Variants in TMEM167A observed in about 807,000 individuals in gnomAD.
The protein encoded by TMEM167A is transmembrane protein 167A, also known as protein kish-A.
Under a neutral mutation model 11.6 loss-of-function variants are expected in TMEM167A, and 8 were observed. That is an observed-to-expected ratio of 0.69 (90% CI 0.40 to 1.24). The LOEUF is 1.24. Ranked by LOEUF, TMEM167A falls within the 50% of genes most tolerant of loss-of-function variation. The probability of loss-of-function intolerance (pLI) is 0.01; values close to 1 mark genes in which losing one functional copy is unlikely to be tolerated. For missense variants in TMEM167A, 62 were observed against 87.0 expected, an observed-to-expected ratio of 0.71 and a Z score of 1.14; for synonymous variants, 22 against 28.0, an observed-to-expected ratio of 0.79 and a Z score of 0.67.
chr5:83,068,686 G>T (rs111517625), intron 1 of TMEM167A, among the ~76,000 whole-genome samples: 387 of 152,240 alleles, frequency 2.5e-3, no homozygotes, highest in African/African-American at 8.5e-3. Context: ...TCATTGGCAC[G>T]TTCAGGGAAT....
At chr5:83,058,116 T>C (rs1022861572) in intron 3 of TMEM167A, among the ~76,000 whole-genome samples, 1 of 152,110 alleles carries the variant, frequency 6.6e-6, no homozygotes, top group Non-Finnish European at 1.5e-5. Flanking sequence ...TAAAGTCAAC[T>C]CTTTCTTAAT....
intron 1 of TMEM167A, among the ~76,000 whole-genome samples, chr5:83,073,013 C>T (rs1037894765): frequency 6.6e-6 from 1 of 152,208 alleles, no homozygotes; most frequent in Non-Finnish European, 1.5e-5. Context: ...CTGCTACCTC[C>T]TCACCCACTC....
At position 83,053,361 on chromosome 5, in the gene TMEM167A, T is replaced by A. The variant is rs902809641; in HGVS notation, c.*3723A>T. 2.0e-5 allele frequency: 3 copies of A among 151,908 alleles called. No individual in the cohort carries two copies. The highest frequency in any genetic ancestry group is 7.2e-5 in the African/African-American group (3 of 41,398). The allele number at this position is 151,908 out of a possible 1,614,324, so 9.4% of individuals were successfully genotyped here. ...GTGTGCTTTAACAATCAGGGCTGCT[T>A]TTGGTATCAAGAGTATGAGCTATTA... On this transcript the variant is annotated 3_prime_UTR_variant, in exon 4 of 4. Transcript: ENST00000502346.
chr5:83,061,954 C>T (rs762447330), intron 2 of TMEM167A, 43 bp from the exon 3 acceptor site: 21 of 1,508,122 alleles, frequency 1.4e-5, no homozygotes, highest in South Asian at 2.3e-5. Flanking sequence ...ATTGATTACT[C>T]GGAAAGGTAA....
In TMEM167A at chr5:83,077,341, C is replaced by G. The variant is rs1459972320; in HGVS notation, c.-18G>C. The G allele has an allele frequency of 1.9e-6, 3 of 1,614,200 alleles. No homozygotes were observed. Among genetic ancestry groups the G allele is most frequent in the South Asian group, 1.1e-5 (1 of 91,090 alleles). ...CTTACCATAGCGAGGCCGGCGATGC[C>G]GCAGCCACATCACCCTTCCGGGGCT... On this transcript the variant is annotated 5_prime_UTR_variant, in exon 1 of 4. Transcript: ENST00000502346.
In TMEM167A at chr5:83,059,461, T is replaced by C. The variant is rs193129161; in HGVS notation, c.149-2307A>G. Among the ~76,000 whole-genome samples, 8 of 148,292 alleles carry C rather than the reference T, an allele frequency of 5.4e-5. No individual in the cohort carries two copies. The East Asian group carries it at 9.6e-4, about 18-fold the overall frequency. Reference sequence around the variant, plus strand: ...TAACTCCAGACCTGCTCTTCCATTATGTTCTCTCTTTGTACTTTACTTGAG... The same window carrying C: ...TAACTCCAGACCTGCTCTTCCATTACGTTCTCTCTTTGTACTTTACTTGAG... On this transcript the variant is annotated intron_variant, in intron 3 of 3. Coordinates refer to ENST00000502346, the MANE Select transcript of TMEM167A (RefSeq NM_174909.5).
At chr5:83,064,166 T>A in intron 2 of TMEM167A, 1 of 502,110 alleles carries the variant, frequency 2.0e-6, no homozygotes. Flanking sequence ...TTAGTACATA[T>A]TTTAAAATGT....
intron 3 of TMEM167A, among the ~76,000 whole-genome samples, chr5:83,061,290 C>T (rs1012583123): frequency 6.6e-6 from 1 of 152,216 alleles, no homozygotes; most frequent in Non-Finnish European, 1.5e-5. Flanking sequence ...ATACTATCAA[C>T]ATGTGTGCAT....
intron 1 of TMEM167A, among the ~76,000 whole-genome samples, chr5:83,066,163 T>A (rs1744478514): frequency 6.6e-6 from 1 of 152,190 alleles, no homozygotes; most frequent in South Asian, 2.1e-4. Flanking sequence ...AGTGCAAGAA[T>A]ATTACTGTGT....
intron 1 of TMEM167A, among the ~76,000 whole-genome samples, chr5:83,074,463 T>G (rs185536628): frequency 6.6e-6 from 1 of 152,352 alleles, no homozygotes; most frequent in Non-Finnish European, 1.5e-5. Flanking sequence ...ATACTTCACA[T>G]CTATTCTCTG....
In TMEM167A at chr5:83,061,922, T is replaced by TA. The variant is rs1256358662; in HGVS notation, c.114-12dup. 1.2e-6 allele frequency: 2 copies of TA among 1,609,350 alleles called. No homozygotes were observed. The highest frequency in any genetic ancestry group is 1.3e-5 in the African/African-American group (1 of 74,612). On this transcript the variant is annotated splice_polypyrimidine_tract_variant and intron_variant, in intron 2 of 3. Coordinates refer to ENST00000502346, the MANE Select transcript of TMEM167A (RefSeq NM_174909.5). ...AATATACCCAACAATCTGCATAGAA[T>TA]AAAAAAAGAAAAAAAGTAGCTATTG...
rs190668711 is a variant in TMEM167A, at chr5:83,060,947, T to C, written c.148+930A>G. Among the ~76,000 whole-genome samples, 476 of 152,240 alleles carry C rather than the reference T, an allele frequency of 3.1e-3. 5 individuals carry two copies. Among genetic ancestry groups the C allele is most frequent in the South Asian group, 0.01 (50 of 4,824 alleles). On this transcript the variant is annotated intron_variant, in intron 3 of 3. Coordinates refer to ENST00000502346, the MANE Select transcript of TMEM167A (RefSeq NM_174909.5). ...CGTGTTAAATGTTACATATACAGGG[T>C]GAATGGATAGGAGTATATTATTAAC...
chr5:83,068,984 G>A (rs1744522934), intron 1 of TMEM167A, among the ~76,000 whole-genome samples: 1 of 152,128 alleles, frequency 6.6e-6, no homozygotes, highest in Non-Finnish European at 1.5e-5. Context: ...ACCTCTTTAT[G>A]TTTGAATGTT....
chr5:83,063,650 C>A (rs1048703303), intron 2 of TMEM167A, among the ~76,000 whole-genome samples: 16 of 152,034 alleles, frequency 1.1e-4, no homozygotes, highest in Non-Finnish European at 2.1e-4. Context: ...GTTTTTTCCA[C>A]ATATTTCTCT....
At position 83,061,220 on chromosome 5, in the gene TMEM167A, G is replaced by C. The variant is rs564542907; in HGVS notation, c.148+657C>G. Among the ~76,000 whole-genome samples the C allele has an allele frequency of 5.3e-5, 8 of 152,242 alleles. No homozygotes were observed. The South Asian group carries it at 1.7e-3, about 32-fold the overall frequency. Reference sequence around the variant, plus strand: ...GCTCAGAAAGACTTTCATTAGATGGGAATACATCCTAGTTATCAAAATGGT... The same window carrying C: ...GCTCAGAAAGACTTTCATTAGATGGCAATACATCCTAGTTATCAAAATGGT... On this transcript the variant is annotated intron_variant, in intron 3 of 3. Transcript: ENST00000502346.
chr5:83,072,198 A>C (rs1477220147), intron 1 of TMEM167A, among the ~76,000 whole-genome samples: 1 of 152,202 alleles, frequency 6.6e-6, no homozygotes, highest in Non-Finnish European at 1.5e-5. Context: ...TATAAACCTC[A>C]GATCTAAAGA....
chr5:83,065,125 G>GA lies in TMEM167A; in HGVS notation c.4-9dup, dbSNP rs373275418. Reference sequence around the variant, plus strand: ...AAAATTGAAAATGGCAGACTAAAAAGAAAAAAAAAAAAGAAAAATTAATAT... The same window carrying GA: ...AAAATTGAAAATGGCAGACTAAAAAGAAAAAAAAAAAAAGAAAAATTAATAT... On this transcript the variant is annotated splice_polypyrimidine_tract_variant and intron_variant, in intron 1 of 3. Coordinates refer to ENST00000502346, the MANE Select transcript of TMEM167A (RefSeq NM_174909.5). 0.082 allele frequency: 77,871 copies of GA among 954,172 alleles called. 3 individuals carry two copies. The highest frequency in any genetic ancestry group is 0.087 in the Non-Finnish European group (61,584 of 707,986). 59.1% of individuals were successfully genotyped at this position (954,172 alleles called of 1,614,324 possible).
intron 1 of TMEM167A, among the ~76,000 whole-genome samples, chr5:83,073,877 C>T (rs1580179067): frequency 6.6e-6 from 1 of 152,196 alleles, no homozygotes; most frequent in African/African-American, 2.4e-5. Flanking sequence ...AAACGATTTT[C>T]CTAGTTTTCC....
intron 1 of TMEM167A, among the ~76,000 whole-genome samples, chr5:83,069,692 T>C (rs182674745): frequency 1.4e-3 from 214 of 152,238 alleles, no homozygotes; most frequent in Non-Finnish European, 4.7e-4. Flanking sequence ...TAACAATGTG[T>C]ATGTTATAGA....
Sources: gnomAD v4.1 joint callset for allele counts (sites outside exome capture counted in the v4.1 genomes callset) on GRCh38, gnomAD v4.1.1 for gene constraint, MANE v1.5 for transcripts, NCBI Gene and HGNC (gene_info 2026-07-23, HGNC 2026-07-21) for gene names.